CYFIP2: variants seen among roughly 807,000 people sequenced by gnomAD.
CYFIP2 encodes cytoplasmic FMR1 interacting protein 2.
In CYFIP2, 29 loss-of-function variants were observed where a neutral mutation model predicts 158.7. The ratio of observed to expected loss-of-function variants is 0.18; its 90% CI spans 0.14 to 0.25. CYFIP2 has a LOEUF of 0.25. Among genes scored for constraint, CYFIP2 ranks in the 10% least tolerant of loss-of-function variants. The pLI, the probability that CYFIP2 is intolerant of heterozygous loss-of-function variation, is 1.00. For missense variants in CYFIP2, 852 were observed against 1,639.5 expected, an observed-to-expected ratio of 0.52 and a Z score of 8.29; for synonymous variants, 585 against 617.6, an observed-to-expected ratio of 0.95 and a Z score of 0.78.
intron 16 of CYFIP2, 126 bp from the exon 17 acceptor site, chr5:157,325,355 TA>T: frequency 9.8e-7 from 1 of 1,025,146 alleles, no homozygotes; most frequent in Non-Finnish European, 1.3e-6. Context: ...CAGGATCTAC[TA>T]ATCAATATTA....
At chr5:157,321,822 C>T (rs897121160) in intron 15 of CYFIP2, among the ~76,000 whole-genome samples, 2 of 152,162 alleles carry the variant, frequency 1.3e-5, no homozygotes, top group African/African-American at 4.8e-5. Flanking sequence ...TAGTTTGCAC[C>T]AATCTCACCG....
intron 15 of CYFIP2, chr5:157,323,108 C>T (rs1047460357): frequency 1.7e-6 from 2 of 1,184,270 alleles, no homozygotes; most frequent in African/African-American, 1.5e-5. Flanking sequence ...CCCTTCCAGC[C>T]CTAAGATTCA....
rs1763806797 is a variant in CYFIP2, at chr5:157,361,319, C to G, written c.2909-149C>G. The G allele has an allele frequency of 6.4e-6, 6 of 939,448 alleles. No homozygotes were observed. In the South Asian group the frequency reaches 1.0e-4, roughly 16 times the overall value. 58.2% of individuals were successfully genotyped at this position (939,448 alleles called of 1,614,324 possible). On this transcript the variant is annotated intron_variant, in intron 25 of 30. Coordinates refer to ENST00000620254, the MANE Select transcript of CYFIP2 (RefSeq NM_001037333.3). This position sits in a 1 kb window ranked among gnomAD's most constrained non-coding sequence, Gnocchi z 4.4. ...TCCAGTACTGAGCCCTGAAAGAAAT[C>G]TCACTCTGGGCCTGCAGGTAAGAGG...
At chr5:157,324,387 T>C (rs531395558) in intron 16 of CYFIP2, among the ~76,000 whole-genome samples, 6 of 152,322 alleles carry the variant, frequency 3.9e-5, no homozygotes, top group Admixed American at 3.3e-4. Context: ...GCTAGACTTT[T>C]GCTACTCAGC....
intron 28 of CYFIP2, among the ~76,000 whole-genome samples, chr5:157,385,266 T>G (rs1056668683): frequency 7.2e-5 from 11 of 152,242 alleles, no homozygotes; most frequent in African/African-American, 2.7e-4. Context: ...TCTCAGTCTG[T>G]CAAATGCCTA....
chr5:157,387,376 T>A (rs1370782944), intron 28 of CYFIP2, among the ~76,000 whole-genome samples: 1 of 152,224 alleles, frequency 6.6e-6, no homozygotes, highest in Admixed American at 6.5e-5. Context: ...GAGTTCAAAG[T>A]CTGTCTGCAG....
chr5:157,390,749 A>T (rs1767201770), intron 30 of CYFIP2, 81 bp downstream of exon 30: 3 of 1,541,328 alleles, frequency 1.9e-6, no homozygotes, highest in Non-Finnish European at 2.6e-6. Context: ...AACAAGGAGG[A>T]GCTGCTTGTG....
chr5:157,324,624 G>GC (rs1315144684), intron 16 of CYFIP2: 1 of 152,322 alleles, frequency 6.6e-6, no homozygotes, highest in African/African-American at 2.4e-5. Context: ...CCCGGGAAGG[G>GC]CCTTCAAGGT....
At chr5:157,329,166 C>T (rs910316237) in intron 19 of CYFIP2, among the ~76,000 whole-genome samples, 2 of 152,230 alleles carry the variant, frequency 1.3e-5, no homozygotes, top group Admixed American at 1.3e-4. Flanking sequence ...TAACGCGACT[C>T]TTAAATGCTG....
At chr5:157,342,232 T>C (rs1396955015) in intron 23 of CYFIP2, 4 of 152,610 alleles carry the variant, frequency 2.6e-5, no homozygotes, top group African/African-American at 7.2e-5. Flanking sequence ...TTTTCACTTA[T>C]GGAGTAATAT....
chr5:157,303,317 A>T (rs904690958), intron 7 of CYFIP2, among the ~76,000 whole-genome samples: 2 of 152,192 alleles, frequency 1.3e-5, no homozygotes, highest in Non-Finnish European at 2.9e-5. Context: ...GAAATAAATG[A>T]TACCAGTATA....
rs756853728 is a variant in CYFIP2, at chr5:157,333,327, C to T, written c.2266C>T (p.Leu756=). The T allele has an allele frequency of 5.0e-6, 8 of 1,613,932 alleles. No individual in the cohort carries two copies. In the South Asian group the frequency reaches 8.8e-5, roughly 18 times the overall value. ...ETLLKQRHVQ[L]LGRSIDLNRL... is the part of the protein sequence containing the mutation. ...CTTTTCTCTCTCTCTCTTCATCCAG[C>T]TGTTGGGTAGATCAATTGACTTGAA... Residue 756 remains leucine (L), a splice_region_variant and synonymous_variant, in exon 21 of 31, where the codon CTG becomes TTG. Coordinates refer to ENST00000620254, the MANE Select transcript of CYFIP2 (RefSeq NM_001037333.3).
intron 23 of CYFIP2, among the ~76,000 whole-genome samples, chr5:157,348,802 G>A (rs990177151): frequency 1.3e-5 from 2 of 152,156 alleles, no homozygotes; most frequent in African/African-American, 2.4e-5. Context: ...CCAGGGGCCT[G>A]TCTTAAATCT....
At chr5:157,307,677 C>T in intron 8 of CYFIP2, 84 bp from the exon 9 acceptor site, 1 of 547,404 alleles carries the variant, frequency 1.8e-6, no homozygotes, top group South Asian at 1.9e-5. Context: ...GTGTGTGTGA[C>T]ACATATACAG....
At chr5:157,316,820 G>A (rs1038009168) in intron 13 of CYFIP2, among the ~76,000 whole-genome samples, 1 of 152,102 alleles carries the variant, frequency 6.6e-6, no homozygotes, top group Non-Finnish European at 1.5e-5. Flanking sequence ...AAAACTTAAA[G>A]GGCCATACAA....
At chr5:157,372,122 A>G (rs920593822) in intron 26 of CYFIP2, among the ~76,000 whole-genome samples, 2 of 152,222 alleles carry the variant, frequency 1.3e-5, no homozygotes, top group Non-Finnish European at 2.9e-5. Context: ...AAAACTCATC[A>G]TGGTTAGATC....
chr5:157,328,581 T>C (rs1194861965), intron 19 of CYFIP2, among the ~76,000 whole-genome samples: 3 of 152,184 alleles, frequency 2.0e-5, no homozygotes, highest in Admixed American at 6.5e-5. Flanking sequence ...TCAGTGTCTC[T>C]TCACCACCAC....
chr5:157,270,606 A>C, intron 1 of CYFIP2, among the ~76,000 whole-genome samples: 1 of 152,268 alleles, frequency 6.6e-6, no homozygotes, highest in East Asian at 1.9e-4. Context: ...ATAAGAATTC[A>C]GAACTAGAGG....
chr5:157,286,552 GTATATATA>G (rs34826918), intron 2 of CYFIP2, among the ~76,000 whole-genome samples: 10 of 138,126 alleles, frequency 7.2e-5, no homozygotes, highest in Non-Finnish European at 7.8e-5. Context: ...GCTATTTTAT[GTATATATA>G]TATATATATA....
Sources: allele counts gnomAD v4.1 joint callset (sites outside exome capture counted in the v4.1 genomes callset), GRCh38; gene constraint gnomAD v4.1.1; non-coding constraint Gnocchi (gnomAD v3.1); transcripts MANE v1.5; gene names NCBI Gene and HGNC (gene_info 2026-07-23, HGNC 2026-07-21).